The following BTN3A2 variants were observed in gnomAD, a reference collection of about 807,000 sequenced individuals.
BTN3A2 encodes the protein butyrophilin subfamily 3 member A2, also known as butyrophilin protein.
In BTN3A2, 25 loss-of-function variants were observed where a neutral mutation model predicts 37.6. That is an observed-to-expected ratio of 0.66 (90% CI 0.48 to 0.93). BTN3A2 has a LOEUF of 0.93. BTN3A2 is among the 40% of genes least tolerant of loss of function. The pLI is 0.00. For missense variants in BTN3A2, 266 were observed against 410.9 expected (o/e 0.65, Z 3.05); for synonymous variants, 122 against 159.4 (o/e 0.77, Z 1.77).
chr6:26,368,489 C>G, intron 3 of BTN3A2, 76 bp from the exon 4 acceptor site: 1 of 1,610,900 alleles, frequency 6.2e-7, no homozygotes, highest in Non-Finnish European at 8.5e-7. Context: ...CTCGCCTTCC[C>G]TGTCTGAGAA....
At chr6:26,370,272 TC>T in intron 4 of BTN3A2, 49 bp from the exon 5 acceptor site, 1 of 1,582,172 alleles carries the variant, frequency 6.3e-7, no homozygotes, top group South Asian at 1.1e-5. Flanking sequence ...ATTGAGACCC[TC>T]CCTAATACAG....
At chr6:26,365,685 G>T (rs71557334) in intron 1 of BTN3A2, among the ~76,000 whole-genome samples, 11,707 of 152,206 alleles carry the variant, frequency 0.077, 565 homozygotes, top group Non-Finnish European at 0.11. Context: ...ATTGTGGTCA[G>T]AAAAGGGCAA....
rs1272253497 is a variant in BTN3A2, at chr6:26,375,990, A to C, written c.*228A>C. 6.0e-6 allele frequency: 5 copies of C among 827,520 alleles called. No homozygotes were observed. The African/African-American group carries it at 7.0e-5, about 12-fold the overall frequency. 51.3% of individuals were successfully genotyped at this position (827,520 alleles called of 1,614,324 possible). ...GGAAGGCTGAGGAGGGCGGATCACA[A>C]GGTCAGGAGATCAAGACCATCCTGG... On this transcript the variant is annotated 3_prime_UTR_variant, in exon 11 of 11. Transcript: ENST00000377708.
intron 4 of BTN3A2, 122 bp from the exon 5 acceptor site, chr6:26,370,200 G>C: frequency 7.6e-7 from 1 of 1,317,962 alleles, no homozygotes; most frequent in Non-Finnish European, 1.0e-6. Context: ...CCACACTTTT[G>C]TAAACAGCTC....
chr6:26,371,136 C>T (rs7750384), intron 5 of BTN3A2, among the ~76,000 whole-genome samples: 16,216 of 152,096 alleles, frequency 0.11, 934 homozygotes, highest in Non-Finnish European at 0.11. Context: ...GTGGAGTGCA[C>T]CTCTAATCCC....
In BTN3A2 at chr6:26,377,420, C is replaced by A; in HGVS notation, c.*1658C>A. On this transcript the variant is annotated 3_prime_UTR_variant, in exon 11 of 11. Transcript: ENST00000377708. Reference sequence around the variant, plus strand: ...AGAAAAGTGTATTGACTTTACAAAGCAGACAGGAATAGTGAACAACAGAGC... The same window carrying A: ...AGAAAAGTGTATTGACTTTACAAAGAAGACAGGAATAGTGAACAACAGAGC... 4.2e-6 allele frequency: 2 copies of A among 476,616 alleles called. No individual in the cohort carries two copies. The highest frequency in any genetic ancestry group is 4.1e-5 in the South Asian group (2 of 48,332). The allele number at this position is 476,616 out of a possible 1,614,324, so 29.5% of individuals were successfully genotyped here. A position where few individuals can be genotyped will look rare whatever the true frequency, so the allele number is the denominator to read the frequency against.
chr6:26,376,465 C>G lies in BTN3A2; in HGVS notation c.*703C>G. The G allele has an allele frequency of 1.0e-6, 1 of 987,004 alleles. No individual in the cohort carries two copies. The highest frequency in any genetic ancestry group is 1.4e-6 in the Non-Finnish European group (1 of 718,176). 61.1% of individuals were successfully genotyped at this position (987,004 alleles called of 1,614,324 possible). On this transcript the variant is annotated 3_prime_UTR_variant, in exon 11 of 11. Coordinates refer to ENST00000377708, the MANE Select transcript of BTN3A2 (RefSeq NM_007047.5). ...TCACATTCAGGGCAGGCTAGGGACA[C>G]GGGGTTCTGGAAGGACCTCCTCAGC...
chr6:26,365,261 T>G lies in BTN3A2; in HGVS notation c.-158T>G. The G allele has an allele frequency of 1.0e-5, 15 of 1,495,380 alleles. No individual in the cohort carries two copies. The highest frequency in any genetic ancestry group is 1.3e-5 in the Non-Finnish European group (14 of 1,110,766). The allele number at this position is 1,495,380 out of a possible 1,614,324, so 92.6% of individuals were successfully genotyped here. A position where few individuals can be genotyped will look rare whatever the true frequency, so the allele number is the denominator to read the frequency against. ...CTTTCTCTTTTTCCTTTCTTCCGGA[T>G]GAGAGGCTAAGCCATAATAGAAAGA... On this transcript the variant is annotated 5_prime_UTR_variant, in exon 1 of 11. The change abolishes an upstream ATG in the 5' untranslated region. Transcript: ENST00000377708.
At position 26,376,464 on chromosome 6, in the gene BTN3A2, A is replaced by G. The variant is rs2113724439; in HGVS notation, c.*702A>G. ...ATCACATTCAGGGCAGGCTAGGGAC[A>G]CGGGGTTCTGGAAGGACCTCCTCAG... On this transcript the variant is annotated 3_prime_UTR_variant, in exon 11 of 11. Transcript: ENST00000377708. 2 of 978,994 alleles carry G rather than the reference A, an allele frequency of 2.0e-6. No individual in the cohort carries two copies. The highest frequency in any genetic ancestry group is 3.7e-4 in the Middle Eastern group (1 of 2,670). 60.6% of individuals were successfully genotyped at this position (978,994 alleles called of 1,614,324 possible). A position where few individuals can be genotyped will look rare whatever the true frequency, so the allele number is the denominator to read the frequency against.
At chr6:26,373,691 A>AAAGGAAGAGGGAAGAG (rs1760387275) in intron 8 of BTN3A2, 1 of 354,168 alleles carries the variant, frequency 2.8e-6, no homozygotes, top group Admixed American at 4.6e-5. Flanking sequence ...GTACACTTCA[A>AAAGGAAGAGGGAAGAG]AAGGAAGAGG....
At chr6:26,369,297 G>C (rs1276911294) in intron 4 of BTN3A2, among the ~76,000 whole-genome samples, 4 of 152,200 alleles carry the variant, frequency 2.6e-5, no homozygotes, top group Admixed American at 2.6e-4. Context: ...AGGTGGAATA[G>C]TGACTGTATC....
At chr6:26,365,692 GCAAACAAA>G (rs762610350) in intron 1 of BTN3A2, among the ~76,000 whole-genome samples, 8 of 151,908 alleles carry the variant, frequency 5.3e-5, no homozygotes, top group Admixed American at 5.2e-4. Context: ...TCAGAAAAGG[GCAAACAAA>G]CAAACAAACA....
At position 26,375,378 on chromosome 6, in the gene BTN3A2, G is replaced by A. The variant is rs1760611436; in HGVS notation, c.*35-419G>A. Reference sequence around the variant, plus strand: ...AGGCAATTACTGGAACCCAGAGAAAGAGGTAGCTTAACGAGGGAGCTTCCT... The same window carrying A: ...AGGCAATTACTGGAACCCAGAGAAAAAGGTAGCTTAACGAGGGAGCTTCCT... On this transcript the variant is annotated intron_variant, in intron 10 of 10. Transcript: ENST00000377708. 7.4e-6 allele frequency: 3 copies of A among 405,944 alleles called. No individual in the cohort carries two copies. In the East Asian group the frequency reaches 1.3e-4, roughly 17 times the overall value. 25.1% of individuals were successfully genotyped at this position (405,944 alleles called of 1,614,324 possible). A position where few individuals can be genotyped will look rare whatever the true frequency, so the allele number is the denominator to read the frequency against.
Position 26,368,667 on chromosome 6 carries a change from T to C in BTN3A2, c.188T>C (p.Met63Thr), listed in dbSNP as rs541411264. The change falls in exon 4 of 11, where the codon ATG (methionine) becomes ACG (threonine). Residue 63 changes from methionine (M) to threonine (T), a missense_variant. Physicochemically the swap from Met to Thr is moderately conservative, Grantham distance 81 (BLOSUM62 -1). Around this residue, in one of 3 missense-constraint regions of BTN3A2, gnomAD observed 47 missense variants for 77.3 expected, o/e 0.61. Coordinates refer to ENST00000377708, the MANE Select transcript of BTN3A2 (RefSeq NM_007047.5). ...HLFPTMSAET[M>T]ELKWVSSSLR... ...TTCCCGACCATGAGTGCAGAGACCA[T>C]GGAGCTGAAGTGGGTAAGTTCCAGC... 6.8e-6 allele frequency: 11 copies of C among 1,614,038 alleles called. No homozygotes were observed. In the Admixed American group the frequency reaches 1.3e-4, roughly 20 times the overall value.
intron 10 of BTN3A2, 60 bp downstream of exon 10, chr6:26,374,858 C>G (rs1351726484): frequency 4.8e-6 from 7 of 1,452,060 alleles, no homozygotes; most frequent in Middle Eastern, 1.8e-4. Context: ...TTCCTTTTTC[C>G]TTTTTTCTTC....
Position 26,375,873 on chromosome 6 carries a change from G to A in BTN3A2, c.*111G>A, listed in dbSNP as rs1760669335. ...TGGAAAAATAGACTGCAGAAAAGGG[G>A]AACTCATTTAGCTCACGAGTGGTCG... On this transcript the variant is annotated 3_prime_UTR_variant, in exon 11 of 11. Transcript: ENST00000377708. 1 of 1,545,862 alleles carries A rather than the reference G, an allele frequency of 6.5e-7. No individual in the cohort carries two copies. The highest frequency in any genetic ancestry group is 8.8e-7 in the Non-Finnish European group (1 of 1,142,034).
intron 8 of BTN3A2, 174 bp downstream of exon 8, chr6:26,373,587 A>T: frequency 4.2e-6 from 1 of 239,390 alleles, no homozygotes; most frequent in Non-Finnish European, 7.2e-6. Context: ...TTTTCTCTCT[A>T]GAAAAAAAAA....
At chr6:26,374,477 T>A in intron 9 of BTN3A2, 104 bp downstream of exon 9, 1 of 1,269,036 alleles carries the variant, frequency 7.9e-7, no homozygotes, top group Non-Finnish European at 1.1e-6. Flanking sequence ...AAGACTCAAT[T>A]TCTGTGTGGT....
rs1162367505 is a variant in BTN3A2, at chr6:26,370,348, G to A, written c.460G>A (p.Val154Met). The change falls in exon 5 of 11, where the codon GTG (valine) becomes ATG (methionine). Residue 154 changes from valine (V) to methionine (M), a missense_variant. This residue lies in a region of BTN3A2 where 204 missense variants were observed against 232.6 expected (regional missense o/e 0.88). Transcript: ENST00000377708. The part of the protein sequence containing the change: ...AALGSNLHVE[V>M]KGYEDGGIHL... ...ACTGGGTTCTAATCTTCACGTCGAA[G>A]TGAAGGGTTATGAGGATGGAGGGAT... The A allele has an allele frequency of 6.2e-7, 1 of 1,614,214 alleles. No homozygotes were observed. The highest frequency in any genetic ancestry group is 1.1e-5 in the South Asian group (1 of 91,090).
Sources: allele counts gnomAD v4.1 joint callset (sites outside exome capture counted in the v4.1 genomes callset), GRCh38; gene constraint gnomAD v4.1.1; regional missense constraint gnomAD v4.1.1; transcripts MANE v1.5; gene names NCBI Gene and HGNC (gene_info 2026-07-23, HGNC 2026-07-21).